Variants in ZNF454 observed in about 807,000 individuals in gnomAD.
ZNF454 encodes zinc finger protein 454.
ZNF454 carries 30 observed loss-of-function variants against 48.2 expected under a neutral mutation model. The observed-to-expected ratio is 0.62, with a 90% CI of 0.47 to 0.84. The LOEUF (loss-of-function observed/expected upper bound fraction) is 0.84. Among genes scored for constraint, ZNF454 ranks in the 40% least tolerant of loss-of-function variants. The probability of loss-of-function intolerance (pLI) is 0.00; values close to 1 mark genes in which losing one functional copy is unlikely to be tolerated. For missense variants in ZNF454, 510 were observed against 623.1 expected (o/e 0.82, Z 1.93); for synonymous variants, 204 against 211.4 (o/e 0.97, Z 0.30).
At chr5:178,972,870 C>A in the ZNF454 span, among the ~76,000 whole-genome samples, 1 of 152,044 alleles carries the variant, frequency 6.6e-6, no homozygotes, top group South Asian at 2.1e-4. Flanking sequence ...ATCGCCAACT[C>A]GGATGAATTC....
In ZNF454 at chr5:178,946,529, T is replaced by G; in HGVS notation, c.160+44T>G. The G allele has an allele frequency of 6.4e-7, 1 of 1,563,378 alleles. No homozygotes were observed. The highest frequency in any genetic ancestry group is 1.2e-5 in the South Asian group (1 of 83,334). ...AGGTTTCTCTTCACTTTTGGGGATCTCTTTGGGACCCTTACATTGACACCA... is the reference window on the plus strand; with the variant it reads ...AGGTTTCTCTTCACTTTTGGGGATCGCTTTGGGACCCTTACATTGACACCA... On this transcript the variant is annotated intron_variant, in intron 3 of 4. Coordinates refer to ENST00000519564, the MANE Select transcript of ZNF454 (RefSeq NM_001178089.3). The surrounding 1 kb of genome is among the most constrained non-coding windows in gnomAD (Gnocchi z 4.5).
At position 178,941,995 on chromosome 5, in the gene ZNF454, C is replaced by T. The variant is rs1759109962; in HGVS notation, c.-108+551C>T. Among the ~76,000 whole-genome samples the T allele has an allele frequency of 6.6e-6, 1 of 152,154 alleles. No homozygotes were observed. Among genetic ancestry groups the T allele is most frequent in the Non-Finnish European group, 1.5e-5 (1 of 68,018 alleles). The stretch of plus-strand genomic sequence containing the variant: ...CTGTTCCAAAGCCGCAGAGGGAGAG[C>T]GGAGCGGTCTTCCAATCCAGTCGAA... On this transcript the variant is annotated intron_variant, in intron 1 of 4. Transcript: ENST00000519564. The surrounding 1 kb of genome is among the most constrained non-coding windows in gnomAD (Gnocchi z 5.5).
At chr5:178,964,552 A>G in intron 4 of ZNF454, 103 bp from the exon 5 acceptor site, 1 of 923,860 alleles carries the variant, frequency 1.1e-6, no homozygotes, top group South Asian at 1.6e-5. Flanking sequence ...AAATCTTCAA[A>G]CTTGAAATCT....
At chr5:178,989,416 G>A in the ZNF454 span, 6 of 1,613,894 alleles carry the variant, frequency 3.7e-6, no homozygotes, top group South Asian at 6.6e-5. Flanking sequence ...CTACAGACAG[G>A]GAAGAAGGGG....
At chr5:178,954,928 G>A (rs1289051778) in intron 4 of ZNF454, among the ~76,000 whole-genome samples, 2 of 152,226 alleles carry the variant, frequency 1.3e-5, no homozygotes, top group Non-Finnish European at 2.9e-5. Context: ...CTGTATGGAT[G>A]TACCACGGTT....
At chr5:178,985,805 A>G in the ZNF454 span, 6 of 520,272 alleles carry the variant, frequency 1.2e-5, no homozygotes, top group Non-Finnish European at 1.8e-5. Context: ...TCTGACACCC[A>G]AGCTGGATTG....
chr5:178,946,845 T>C lies in ZNF454; in HGVS notation c.161-52T>C. 1.3e-6 allele frequency: 2 copies of C among 1,526,880 alleles called. No homozygotes were observed. The highest frequency in any genetic ancestry group is 1.1e-5 in the South Asian group (1 of 87,074). The allele number at this position is 1,526,880 out of a possible 1,614,324, so 94.6% of individuals were successfully genotyped here. On this transcript the variant is annotated intron_variant, in intron 3 of 4. Coordinates refer to ENST00000519564, the MANE Select transcript of ZNF454 (RefSeq NM_001178089.3). This position sits in a 1 kb window ranked among gnomAD's most constrained non-coding sequence, Gnocchi z 4.5. ...CCAGGCTTTGTCTTTGCAGTGATTT[T>C]TATCTCTCGTATAAACAGATGTGGT... is the stretch of plus-strand genomic sequence containing the variant.
the ZNF454 span, chr5:178,983,075 G>A: frequency 2.5e-6 from 4 of 1,614,232 alleles, no homozygotes; most frequent in Admixed American, 1.7e-5. Flanking sequence ...GCAGGAGGCT[G>A]TAGCCCAGGC....
chr5:178,962,919 G>T (rs144400393), intron 4 of ZNF454, among the ~76,000 whole-genome samples: 4 of 151,750 alleles, frequency 2.6e-5, no homozygotes, highest in African/African-American at 7.2e-5. Context: ...TATGTCAACT[G>T]CTCATTTGCC....
chr5:178,959,486 T>C (rs1290709025), intron 4 of ZNF454, among the ~76,000 whole-genome samples: 1 of 152,218 alleles, frequency 6.6e-6, no homozygotes, highest in African/African-American at 2.4e-5. Context: ...AATTTTAGAA[T>C]TGGCTATTCA....
At chr5:178,989,210 C>CA in the ZNF454 span, 2 of 269,406 alleles carry the variant, frequency 7.4e-6, no homozygotes, top group Non-Finnish European at 1.2e-5. Flanking sequence ...TCCCCCTCCC[C>CA]ACCCTCACCA....
At chr5:178,957,017 G>T in intron 4 of ZNF454, 1 of 177,698 alleles carries the variant, frequency 5.6e-6, no homozygotes, top group Non-Finnish European at 1.2e-5. Flanking sequence ...CCGAGTAGCT[G>T]GGACTACAGG....
At chr5:178,949,170 C>G (rs1468189308) in intron 4 of ZNF454, among the ~76,000 whole-genome samples, 2 of 152,120 alleles carry the variant, frequency 1.3e-5, no homozygotes, top group Non-Finnish European at 2.9e-5. Context: ...CCTGCCTCTG[C>G]CTCCCAAGTA....
the ZNF454 span, chr5:178,989,459 C>T: frequency 6.2e-7 from 1 of 1,610,880 alleles, no homozygotes; most frequent in Admixed American, 1.7e-5. Context: ...AGCTGTGTTT[C>T]TCCTGTGTCT....
chr5:178,944,818 A>G lies in ZNF454; in HGVS notation c.34-1541A>G, dbSNP rs1417376053. Reference sequence around the variant, plus strand: ...CTTAACTTCTCAGCCAACTGGGAAGACAAGAGCTGTGATAGCTACTGGATT... The same window carrying G: ...CTTAACTTCTCAGCCAACTGGGAAGGCAAGAGCTGTGATAGCTACTGGATT... On this transcript the variant is annotated intron_variant, in intron 2 of 4. Coordinates refer to ENST00000519564, the MANE Select transcript of ZNF454 (RefSeq NM_001178089.3). This position sits in a 1 kb window ranked among gnomAD's most constrained non-coding sequence, Gnocchi z 4.1. Among the ~76,000 whole-genome samples, 1 of 152,346 alleles carries G rather than the reference A, an allele frequency of 6.6e-6. No homozygotes were observed. The highest frequency in any genetic ancestry group is 1.9e-4 in the East Asian group (1 of 5,190).
intron 4 of ZNF454, among the ~76,000 whole-genome samples, chr5:178,962,994 C>T (rs1760047957): frequency 6.6e-6 from 1 of 151,752 alleles, no homozygotes; most frequent in Non-Finnish European, 1.5e-5. Context: ...ATTATGACCT[C>T]TCCTTGGAAG....
At chr5:178,976,599 G>A in the ZNF454 span, among the ~76,000 whole-genome samples, 2 of 152,182 alleles carry the variant, frequency 1.3e-5, no homozygotes, top group African/African-American at 4.8e-5. Flanking sequence ...AATGGGGCCA[G>A]CAATTTGGGC....
At chr5:178,945,264 GT>G (rs1177919902) in intron 2 of ZNF454, among the ~76,000 whole-genome samples, 1 of 151,796 alleles carries the variant, frequency 6.6e-6, no homozygotes, top group African/African-American at 2.4e-5. Flanking sequence ...ATGGGTATGG[GT>G]ATGTGTTGTG....
At chr5:178,986,245 G>A in the ZNF454 span, 2 of 1,614,214 alleles carry the variant, frequency 1.2e-6, no homozygotes, top group Non-Finnish European at 1.7e-6. Flanking sequence ...GTTGGTCTTG[G>A]TGAGCAGGGC....
Sources: gnomAD v4.1 joint callset for allele counts (sites outside exome capture counted in the v4.1 genomes callset) on GRCh38, gnomAD v4.1.1 for gene constraint, Gnocchi (gnomAD v3.1) non-coding constraint, MANE v1.5 for transcripts, NCBI Gene and HGNC (gene_info 2026-07-23, HGNC 2026-07-21) for gene names.